Variants in RAB8B observed in about 807,000 individuals in gnomAD.
RAB8B encodes ras-related protein Rab-8B.
RAB8B carries 11 observed loss-of-function variants against 32.0 expected under a neutral mutation model. The observed-to-expected ratio is 0.34, with a 90% CI of 0.22 to 0.57. RAB8B has a LOEUF of 0.57. Ranked by LOEUF, RAB8B falls within the 20% of genes least tolerant of loss-of-function variation. The pLI is 0.86. For synonymous variants in RAB8B, 103 were observed against 89.6 expected (o/e 1.15, Z -0.85); for missense variants, 190 against 258.5 (o/e 0.73, Z 1.82).
chr15:63,214,432 C>T (rs1329142221), intron 1 of RAB8B, among the ~76,000 whole-genome samples: 2 of 151,514 alleles, frequency 1.3e-5, no homozygotes, highest in Non-Finnish European at 2.9e-5. Context: ...GCTGGGATTA[C>T]AGGCAGGTGC....
chr15:63,227,433 T>A (rs754585439), intron 1 of RAB8B, among the ~76,000 whole-genome samples: 6 of 110,056 alleles, frequency 5.5e-5, no homozygotes, highest in Non-Finnish European at 9.5e-5. Flanking sequence ...GTTTTTCGTG[T>A]TAGTAACTTA....
chr15:63,221,483 G>A (rs2037843962), intron 1 of RAB8B, among the ~76,000 whole-genome samples: 1 of 152,142 alleles, frequency 6.6e-6, no homozygotes. Flanking sequence ...CTGGCTTAGG[G>A]CTTGGCAACA....
In RAB8B at chr15:63,259,476, A is replaced by C. The variant is rs1481564465; in HGVS notation, c.415-151A>C. On this transcript the variant is annotated intron_variant, in intron 5 of 7. Coordinates refer to ENST00000321437, the MANE Select transcript of RAB8B (RefSeq NM_016530.3). The surrounding 1 kb of genome is among the most constrained non-coding windows in gnomAD (Gnocchi z 4.4). ...ATTAAGTTAAATTATTAAATTCTGAATACAGTAGAAGAAAGCAAAGAAATT... is the reference window on the plus strand; with the variant it reads ...ATTAAGTTAAATTATTAAATTCTGACTACAGTAGAAGAAAGCAAAGAAATT... 1.6e-6 allele frequency: 1 copy of C among 613,434 alleles called. No homozygotes were observed. Among genetic ancestry groups the C allele is most frequent in the Non-Finnish European group, 2.8e-6 (1 of 352,230 alleles). 38.0% of individuals were successfully genotyped at this position (613,434 alleles called of 1,614,324 possible). A position where few individuals can be genotyped will look rare whatever the true frequency, so the allele number is the denominator to read the frequency against.
At chr15:63,242,395 G>T (rs1042745839) in intron 1 of RAB8B, among the ~76,000 whole-genome samples, 1 of 152,038 alleles carries the variant, frequency 6.6e-6, no homozygotes, top group African/African-American at 2.4e-5. Flanking sequence ...TAAAACTGGA[G>T]TTGGCTGGGT....
chr15:63,193,597 G>A (rs926122117), intron 1 of RAB8B, among the ~76,000 whole-genome samples: 2 of 152,270 alleles, frequency 1.3e-5, no homozygotes, highest in Admixed American at 1.3e-4. Flanking sequence ...GGATCACAAG[G>A]TCAGGAGATT....
chr15:63,201,302 C>G (rs1454494208), intron 1 of RAB8B, among the ~76,000 whole-genome samples: 1 of 152,114 alleles, frequency 6.6e-6, no homozygotes, highest in Non-Finnish European at 1.5e-5. Context: ...AGGAAGGGCT[C>G]TAGGAGGGAA....
chr15:63,260,769 G>C lies in RAB8B; in HGVS notation c.480+1077G>C, dbSNP rs190040237. Among the ~76,000 whole-genome samples, 68 of 151,568 alleles carry C rather than the reference G, an allele frequency of 4.5e-4. 1 individual carries two copies. Among genetic ancestry groups the C allele is most frequent in the Non-Finnish European group, 1.5e-4 (10 of 67,920 alleles). ...TTTCAACTGATCATAAAAATAATAC[G>C]TGTAATTTACATGTGATATGTGTTA... On this transcript the variant is annotated intron_variant, in intron 6 of 7. Transcript: ENST00000321437.
intron 1 of RAB8B, among the ~76,000 whole-genome samples, chr15:63,216,528 C>T (rs919092753): frequency 2.0e-4 from 31 of 151,326 alleles, no homozygotes; most frequent in Admixed American, 3.3e-4. Context: ...TGTGCCTGGC[C>T]TCAATCCAAC....
At chr15:63,207,226 C>T (rs1235955291) in intron 1 of RAB8B, among the ~76,000 whole-genome samples, 2 of 152,294 alleles carry the variant, frequency 1.3e-5, no homozygotes, top group South Asian at 2.1e-4. Context: ...TTGTAAACTC[C>T]GCGAGTGCAC....
At position 63,249,635 on chromosome 15, in the gene RAB8B, C is replaced by T. The variant is rs754400647; in HGVS notation, c.186-10C>T. ...CTTCAAAAACCACTCTCCTTTGTTT[C>T]ATATTTTAGGGACACAGCGGGTCAG... On this transcript the variant is annotated splice_polypyrimidine_tract_variant and intron_variant, in intron 2 of 7. Coordinates refer to ENST00000321437, the MANE Select transcript of RAB8B (RefSeq NM_016530.3). The T allele has an allele frequency of 1.9e-6, 3 of 1,613,336 alleles. No homozygotes were observed. The highest frequency in any genetic ancestry group is 3.3e-5 in the Admixed American group (2 of 59,970).
intron 1 of RAB8B, among the ~76,000 whole-genome samples, chr15:63,192,171 G>A (rs1438620571): frequency 6.6e-6 from 1 of 152,222 alleles, no homozygotes; most frequent in Non-Finnish European, 1.5e-5. Context: ...CCAACAGGAA[G>A]TGGTAGCACA....
chr15:63,216,200 TTTAATTAATTAATTAA>T (rs146727821), intron 1 of RAB8B, among the ~76,000 whole-genome samples: 1 of 133,448 alleles, frequency 7.5e-6, no homozygotes, highest in African/African-American at 2.8e-5. Flanking sequence ...CAACTTTTAC[TTTAATTAATTAATTAA>T]TTAATTAATT....
chr15:63,246,129 T>C (rs1486085098), intron 2 of RAB8B, among the ~76,000 whole-genome samples: 1 of 152,190 alleles, frequency 6.6e-6, no homozygotes, highest in East Asian at 1.9e-4. Flanking sequence ...CGCCTCAGCC[T>C]CCCAAAGTGC....
rs573853513 is a variant in RAB8B, at chr15:63,248,969, C to G, written c.186-676C>G. Among the ~76,000 whole-genome samples the G allele has an allele frequency of 2.5e-4, 38 of 152,236 alleles. No individual in the cohort carries two copies. The highest frequency in any genetic ancestry group is 8.2e-4 in the African/African-American group (34 of 41,538). ...GCTTCTATAAATGAAATCAGAAACT[C>G]TTATATTTTTCAGAATGCATTTTAA... On this transcript the variant is annotated intron_variant, in intron 2 of 7. Coordinates refer to ENST00000321437, the MANE Select transcript of RAB8B (RefSeq NM_016530.3). This position sits in a 1 kb window ranked among gnomAD's most constrained non-coding sequence, Gnocchi z 4.4.
chr15:63,210,423 C>T (rs901563844), intron 1 of RAB8B, among the ~76,000 whole-genome samples: 5 of 152,180 alleles, frequency 3.3e-5, no homozygotes, highest in Non-Finnish European at 7.3e-5. Flanking sequence ...GCTTTGTCTA[C>T]CTCTACTCTC....
chr15:63,231,500 GT>G (rs71447326), intron 1 of RAB8B, among the ~76,000 whole-genome samples: 1 of 15,282 alleles, frequency 6.5e-5, no homozygotes, highest in East Asian at 5.9e-4. Flanking sequence ...CGTGTTTTTT[GT>G]TTTTTTTTTT....
Position 63,263,557 on chromosome 15 carries a change from C to G in RAB8B, c.562C>G (p.Pro188Ala). Residue 188 changes from proline to alanine, a missense_variant, in exon 8 of 8, where the codon CCA (proline) becomes GCA (alanine). Transcript: ENST00000321437. ...CAGCAATTCAGCAGGAGCAGGTGGACCAGTGAAAATAACAGAAAACCGATC... is the reference window on the plus strand; with the variant it reads ...CAGCAATTCAGCAGGAGCAGGTGGAGCAGTGAAAATAACAGAAAACCGATC... ...NDSNSAGAGG[P>A]VKITENRSKK... The G allele has an allele frequency of 6.2e-7, 1 of 1,612,360 alleles. No individual in the cohort carries two copies. Among genetic ancestry groups the G allele is most frequent in the Non-Finnish European group, 8.5e-7 (1 of 1,178,480 alleles).
intron 1 of RAB8B, among the ~76,000 whole-genome samples, chr15:63,210,222 C>A (rs1444414095): frequency 6.6e-6 from 1 of 152,126 alleles, no homozygotes; most frequent in African/African-American, 2.4e-5. Context: ...TCTTTTTCCC[C>A]AGGTAAGAGG....
rs1351924662 is a variant in RAB8B at position 63,267,415 on chromosome 15, T to G, written c.*3796T>G. ...TAAAATGTGAATTTAGTTATTATAG[T>G]TCAATTTTATGGCCTTACAGATGGC... On this transcript the variant is annotated 3_prime_UTR_variant, in exon 8 of 8. Transcript: ENST00000321437. 2 of 152,546 alleles carry G rather than the reference T, an allele frequency of 1.3e-5. No homozygotes were observed. Among genetic ancestry groups the G allele is most frequent in the Non-Finnish European group, 2.9e-5 (2 of 68,038 alleles). 9.4% of individuals were successfully genotyped at this position (152,546 alleles called of 1,614,324 possible). A position where few individuals can be genotyped will look rare whatever the true frequency, so the allele number is the denominator to read the frequency against.
Sources: gnomAD v4.1 joint callset for allele counts (sites outside exome capture counted in the v4.1 genomes callset) on GRCh38, gnomAD v4.1.1 for gene constraint, Gnocchi (gnomAD v3.1) non-coding constraint, MANE v1.5 for transcripts, NCBI Gene and HGNC (gene_info 2026-07-23, HGNC 2026-07-21) for gene names.